RUFY3: variants seen among roughly 807,000 people sequenced by gnomAD.
The protein encoded by RUFY3 is protein RUFY3.
In RUFY3, 34 loss-of-function variants were observed where a neutral mutation model predicts 84.0. The observed-to-expected ratio is 0.40, with a 90% CI of 0.31 to 0.54. The LOEUF (loss-of-function observed/expected upper bound fraction) is 0.54. RUFY3 is among the 20% of genes least tolerant of loss of function. The pLI is 0.39. For missense variants in RUFY3, 507 were observed against 736.8 expected (o/e 0.69, Z 3.61); for synonymous variants, 242 against 252.9 (o/e 0.96, Z 0.41).
intron 1 of RUFY3, among the ~76,000 whole-genome samples, chr4:70,730,188 G>C (rs963440056): frequency 1.3e-5 from 2 of 152,028 alleles, no homozygotes; most frequent in African/African-American, 4.8e-5. Flanking sequence ...CTCCCAAAGT[G>C]CTGGGATTAC....
chr4:70,753,234 C>T (rs918002399), intron 1 of RUFY3, among the ~76,000 whole-genome samples: 2 of 152,166 alleles, frequency 1.3e-5, no homozygotes, highest in Admixed American at 6.5e-5. Context: ...GTCAATACTA[C>T]TGTCCCCTCT....
intron 1 of RUFY3, among the ~76,000 whole-genome samples, chr4:70,752,934 G>T (rs1252764852): frequency 1.3e-5 from 2 of 152,188 alleles, no homozygotes; most frequent in Non-Finnish European, 1.5e-5. Flanking sequence ...GAGTTCGGAA[G>T]TTCTCTCTTC....
upstream of RUFY3, among the ~76,000 whole-genome samples, chr4:70,720,292 A>G (rs1157075854): frequency 3.3e-5 from 5 of 152,024 alleles, no homozygotes; most frequent in African/African-American, 7.2e-5. Flanking sequence ...CAAGCCATTC[A>G]CCTGCCTCAG....
chr4:70,742,810 G>T (rs933048817), intron 1 of RUFY3, among the ~76,000 whole-genome samples: 6 of 152,168 alleles, frequency 3.9e-5, no homozygotes, highest in Non-Finnish European at 5.9e-5. Context: ...ATGCCCAAGA[G>T]TATCTTCTGT....
In RUFY3 at chr4:70,771,652, C is replaced by G. The variant is rs187356312; in HGVS notation, c.697-1859C>G. 1.8e-3 allele frequency among the ~76,000 whole-genome samples: 276 copies of G among 152,290 alleles called. 1 individual carries two copies. Among genetic ancestry groups the G allele is most frequent in the African/African-American group, 6.5e-3 (270 of 41,560 alleles). On this transcript the variant is annotated intron_variant, in intron 5 of 17. Transcript: ENST00000381006. ...GCTTAATTGATCCTTCCACTTCAGC[C>G]TTCAGAGTAGCTGGGACTATAGGAA...
At chr4:70,792,363 A>AC in intron 12 of RUFY3, 1 of 961,150 alleles carries the variant, frequency 1.0e-6, no homozygotes, top group Non-Finnish European at 1.2e-6. Context: ...TAAATGATAA[A>AC]CTTATATTCT....
At chr4:70,734,196 TG>T (rs1342323402) in intron 1 of RUFY3, 1 of 158,180 alleles carries the variant, frequency 6.3e-6, no homozygotes, top group African/African-American at 2.4e-5. Flanking sequence ...GTGTATGGGG[TG>T]GCCCACAGTG....
chr4:70,783,497 T>C (rs1260331517), intron 9 of RUFY3, among the ~76,000 whole-genome samples: 1 of 152,240 alleles, frequency 6.6e-6, no homozygotes, highest in Non-Finnish European at 1.5e-5. Context: ...ACTATTACTT[T>C]TATAGCATGT....
rs945638642 is a variant in RUFY3 at position 70,758,617 on chromosome 4, A to G, written c.179-3902A>G. On this transcript the variant is annotated intron_variant, in intron 1 of 17. Coordinates refer to ENST00000381006, the MANE Select transcript of RUFY3 (RefSeq NM_001037442.4). ...TACATATTTAGGGATACAGACTGAC[A>G]TTTTGGCTCATGTATACAATGTAAT... Among the ~76,000 whole-genome samples the G allele has an allele frequency of 5.9e-5, 9 of 152,172 alleles. No individual in the cohort carries two copies. The East Asian group carries it at 1.5e-3, about 26-fold the overall frequency.
In RUFY3 at chr4:70,764,532, T is replaced by C. The variant is rs747370104; in HGVS notation, c.528T>C (p.Leu176=). 2.9e-5 allele frequency: 46 copies of C among 1,613,634 alleles called. 1 individual carries two copies. The Admixed American group carries it at 7.7e-4, about 27-fold the overall frequency. The change falls in exon 4 of 18, where the codon CTT becomes CTC. Residue 176 remains leucine (L), a synonymous_variant. Transcript: ENST00000381006. ...GTTTGGCATTAATGCAAAAGAAACT[T>C]TCAGAATATATGAAAGCTTTGATCA... ...WLRLALMQKK[L]SEYMKALINK... is the part of the protein sequence containing the mutation.
intron 7 of RUFY3, among the ~76,000 whole-genome samples, chr4:70,777,280 T>C (rs1728124856): frequency 6.6e-6 from 1 of 152,148 alleles, no homozygotes; most frequent in South Asian, 2.1e-4. Flanking sequence ...TTCAGAATTT[T>C]CCAGAACATA....
At chr4:70,719,866 A>G (rs1218096131), upstream of RUFY3, among the ~76,000 whole-genome samples, 1 of 152,170 alleles carries the variant, frequency 6.6e-6, no homozygotes, top group East Asian at 1.9e-4. Context: ...CTGGATCACT[A>G]CCTGGCATGT....
chr4:70,710,923 G>T (rs1740910710), intron 1 of RUFY3, among the ~76,000 whole-genome samples: 3 of 151,592 alleles, frequency 2.0e-5, no homozygotes, highest in African/African-American at 7.3e-5. Context: ...AAATTAGCCA[G>T]GTATGGTAGT....
chr4:70,787,168 G>GAAAAAA (rs71211959), intron 10 of RUFY3, among the ~76,000 whole-genome samples: 4 of 52,992 alleles, frequency 7.5e-5, no homozygotes, highest in Admixed American at 2.9e-4. Context: ...CCCTGTCTCA[G>GAAAAAA]AAAAAAAAAA....
chr4:70,762,496 ATCT>A lies in RUFY3; in HGVS notation c.179-17_179-15del. ...GTGCTATTTCTAGTAACCAGCCTTC[ATCT>A]TCTTCCCCTTTGGCTGCAGATCCTA... On this transcript the variant is annotated intron_variant, in intron 1 of 17. Transcript: ENST00000381006. 1.3e-6 allele frequency: 2 copies of A among 1,586,406 alleles called. No homozygotes were observed. Among genetic ancestry groups the A allele is most frequent in the Non-Finnish European group, 1.7e-6 (2 of 1,160,304 alleles).
In RUFY3 at chr4:70,714,120, C is replaced by T. The variant is rs375778994; in HGVS notation, c.358+8826C>T. Among the ~76,000 whole-genome samples the T allele has an allele frequency of 3.9e-5, 6 of 152,120 alleles. No individual in the cohort carries two copies. In the South Asian group the frequency reaches 1.2e-3, roughly 32 times the overall value. ...AGAGAAGTAACTTGCCAAGGTTACT[C>T]AGCAGCTAGGTGGTGGACCTAGGAT... On this transcript the variant is annotated intron_variant, in intron 1 of 11. Transcript: ENST00000417478.
chr4:70,706,090 C>T (rs79375795), intron 1 of RUFY3, among the ~76,000 whole-genome samples: 13,440 of 152,092 alleles, frequency 0.088, 1,408 homozygotes, highest in African/African-American at 0.23. Flanking sequence ...TGCTGGCAAA[C>T]GAGTAGGGCC....
chr4:70,754,925 C>T (rs77103039), intron 1 of RUFY3, among the ~76,000 whole-genome samples: 4,052 of 146,276 alleles, frequency 0.028, 81 homozygotes, highest in Middle Eastern at 0.055. Flanking sequence ...TTTCTTGAGA[C>T]GGGGGTATCA....
intron 1 of RUFY3, among the ~76,000 whole-genome samples, chr4:70,725,882 A>G (rs1424441769): frequency 6.6e-6 from 1 of 152,212 alleles, no homozygotes; most frequent in East Asian, 1.9e-4. Flanking sequence ...GTTTGGCACA[A>G]CAGGGAGCAA....
Sources: gnomAD v4.1 joint callset for allele counts (sites outside exome capture counted in the v4.1 genomes callset) on GRCh38, gnomAD v4.1.1 for gene constraint, MANE v1.5 for transcripts, NCBI Gene and HGNC (gene_info 2026-07-23, HGNC 2026-07-21) for gene names.